Variants in CA13 observed in about 807,000 individuals in gnomAD.
CA13 encodes the protein CA-XIII.
Under a neutral mutation model 31.5 loss-of-function variants are expected in CA13, and 21 were observed. The ratio of observed to expected loss-of-function variants is 0.67; its 90% CI spans 0.47 to 0.96. The LOEUF (loss-of-function observed/expected upper bound fraction) is 0.96. CA13 is among the 40% of genes least tolerant of loss of function. The pLI, the probability that CA13 is intolerant of heterozygous loss-of-function variation, is 0.00. For synonymous variants in CA13, 117 were observed against 111.4 expected (o/e 1.05, Z -0.32); for missense variants, 315 against 318.9 (o/e 0.99, Z 0.09).
intron 1 of CA13, chr8:85,246,162 C>G (rs1355736822): frequency 1.8e-6 from 1 of 541,328 alleles, no homozygotes; most frequent in African/African-American, 1.9e-5. Context: ...AAGCCAAGGA[C>G]TTTGCCTAGT....
At chr8:85,275,973 G>A (rs1397286121) in intron 6 of CA13, among the ~76,000 whole-genome samples, 2 of 152,258 alleles carry the variant, frequency 1.3e-5, no homozygotes, top group African/African-American at 4.8e-5. Context: ...CACTTGAGGA[G>A]CCCTTCAGCC....
Position 85,250,939 on chromosome 8 carries a change from T to C in CA13, c.235+2T>C, listed in dbSNP as rs767376724. On this transcript the variant is annotated splice_donor_variant, in intron 2 of 6. Coordinates refer to ENST00000321764, the MANE Select transcript of CA13 (RefSeq NM_198584.3). LOFTEE classifies it high-confidence loss of function. ...TTGATGACACAGAGAACAAATCAGG[T>C]TGGCTTTTCTTTTTTTGTGTGTGTG... 3.1e-6 allele frequency: 5 copies of C among 1,612,608 alleles called. No individual in the cohort carries two copies. Among genetic ancestry groups the C allele is most frequent in the Middle Eastern group, 1.6e-4 (1 of 6,082 alleles).
chr8:85,259,629 T>A (rs959236691), intron 3 of CA13, 90 bp downstream of exon 3: 12 of 995,946 alleles, frequency 1.2e-5, no homozygotes, highest in South Asian at 2.8e-5. Flanking sequence ...TCCAAATAGA[T>A]CCTGAGCCAA....
intron 2 of CA13, among the ~76,000 whole-genome samples, chr8:85,253,479 G>A (rs1807231316): frequency 6.6e-6 from 1 of 151,818 alleles, no homozygotes; most frequent in Non-Finnish European, 1.5e-5. Flanking sequence ...TGCCCAGGCT[G>A]ATCTTGAACT....
intron 4 of CA13, among the ~76,000 whole-genome samples, chr8:85,267,620 T>G (rs542576956): frequency 6.6e-6 from 1 of 152,308 alleles, no homozygotes; most frequent in Non-Finnish European, 1.5e-5. Context: ...ACCTACATCT[T>G]AAACACTGAT....
chr8:85,250,912 CT>C lies in CA13; in HGVS notation c.213del (p.Phe71LeufsTer39), dbSNP rs768148470. 22 of 1,613,354 alleles carry C rather than the reference CT, an allele frequency of 1.4e-5. No individual in the cohort carries two copies. In the African/African-American group the frequency reaches 2.9e-4, roughly 22 times the overall value. ...ACAGCGGCCATTCCTTCAATGTTGA[CT>C]TTGATGACACAGAGAACAAATCAGG... is the stretch of plus-strand genomic sequence containing the variant. ...SNSGHSFNVD[F>X]DDTENKSVLR... On this transcript the variant is annotated frameshift_variant, in exon 2 of 7. Transcript: ENST00000321764. LOFTEE classifies it high-confidence loss of function.
intron 1 of CA13, among the ~76,000 whole-genome samples, chr8:85,247,655 C>A (rs1341854495): frequency 6.6e-6 from 1 of 152,098 alleles, no homozygotes; most frequent in Non-Finnish European, 1.5e-5. Context: ...CTGCCATCTC[C>A]CTCTCCTGGG....
At position 85,266,657 on chromosome 8, in the gene CA13, C is replaced by A. The variant is rs762193983; in HGVS notation, c.404C>A (p.Ala135Glu). The stretch of plus-strand genomic sequence containing the variant: ...GACAAATACCCCAGCTTTGTTGAGG[C>A]AGCTCATGAACCAGATGGACTGGCT... ...NSDKYPSFVE[A>E]AHEPDGLAVL... The change falls in exon 4 of 7, where the codon GCA (alanine) becomes GAA (glutamate). Residue 135 changes from alanine to glutamate, a missense_variant. Physicochemically the swap from Ala to Glu is moderately radical, Grantham distance 107. Transcript: ENST00000321764. The A allele has an allele frequency of 5.0e-6, 8 of 1,613,962 alleles. No homozygotes were observed. The South Asian group carries it at 7.7e-5, about 16-fold the overall frequency.
intron 2 of CA13, among the ~76,000 whole-genome samples, chr8:85,256,062 A>G (rs1807290120): frequency 6.6e-6 from 1 of 152,204 alleles, no homozygotes; most frequent in African/African-American, 2.4e-5. Context: ...TGTATGACGG[A>G]AAGACATGGA....
chr8:85,255,540 C>T (rs933283739), intron 2 of CA13, among the ~76,000 whole-genome samples: 12 of 151,846 alleles, frequency 7.9e-5, no homozygotes, highest in African/African-American at 2.7e-4. Context: ...AAGCTGGTCT[C>T]GAACTCCTGG....
intron 2 of CA13, among the ~76,000 whole-genome samples, chr8:85,258,956 G>A (rs1226933872): frequency 6.6e-6 from 1 of 151,588 alleles, no homozygotes; most frequent in Non-Finnish European, 1.5e-5. Flanking sequence ...GTTAGAGTTT[G>A]TTCAAGATCA....
chr8:85,260,728 G>A (rs1807364407), intron 3 of CA13, among the ~76,000 whole-genome samples: 1 of 152,218 alleles, frequency 6.6e-6, no homozygotes. Flanking sequence ...TGCTGAATTT[G>A]TATGGTGTCT....
chr8:85,250,687 T>G, intron 1 of CA13, 53 bp from the exon 2 acceptor site: 1 of 1,160,040 alleles, frequency 8.6e-7, no homozygotes, highest in Non-Finnish European at 1.3e-6. Flanking sequence ...AATGTATGTT[T>G]GTTGAAAGAA....
intron 1 of CA13, 147 bp from the exon 2 acceptor site, chr8:85,250,593 T>G: frequency 1.8e-6 from 1 of 566,166 alleles, no homozygotes; most frequent in Non-Finnish European, 3.1e-6. Flanking sequence ...AAAAAAACAA[T>G]TAGATGCCAA....
At chr8:85,274,990 G>A (rs1807582251) in intron 6 of CA13, among the ~76,000 whole-genome samples, 1 of 152,180 alleles carries the variant, frequency 6.6e-6, no homozygotes, top group South Asian at 2.1e-4. Flanking sequence ...CCTTGCCAGG[G>A]ATAAGGTAGC....
At chr8:85,260,105 T>C (rs1807355877) in intron 3 of CA13, among the ~76,000 whole-genome samples, 1 of 152,208 alleles carries the variant, frequency 6.6e-6, no homozygotes, top group Admixed American at 6.5e-5. Context: ...AAATCTGTTA[T>C]TCAGTTTATT....
rs1271622822 is a variant in CA13, at chr8:85,283,725, CAG to C, written c.*2377_*2378del. 1 of 152,558 alleles carries C rather than the reference CAG, an allele frequency of 6.6e-6. No individual in the cohort carries two copies. The highest frequency in any genetic ancestry group is 2.4e-5 in the African/African-American group (1 of 41,450). 9.5% of individuals were successfully genotyped at this position (152,558 alleles called of 1,614,324 possible). A position where few individuals can be genotyped will look rare whatever the true frequency, so the allele number is the denominator to read the frequency against. The stretch of plus-strand genomic sequence containing the variant: ...GCTATATGTGGAGGGGCATGTAGGA[CAG>C]GGGTTCTAATTACTGTCTGTGAGAG... On this transcript the variant is annotated 3_prime_UTR_variant, in exon 7 of 7. Transcript: ENST00000321764.
rs770994884 is a variant in CA13, at chr8:85,259,565, TC to T, written c.354+27del. 53 of 1,574,502 alleles carry T rather than the reference TC, an allele frequency of 3.4e-5. No individual in the cohort carries two copies. In the African/African-American group the frequency reaches 7.0e-4, roughly 21 times the overall value. ...GTAAGCCATAAGACATATCTGTGAT[TC>T]ACAGTTTTCCCACATGGTGGAATTT... is the stretch of plus-strand genomic sequence containing the variant. On this transcript the variant is annotated intron_variant, in intron 3 of 6. Transcript: ENST00000321764.
intron 2 of CA13, among the ~76,000 whole-genome samples, chr8:85,253,817 G>T (rs1359026376): frequency 6.6e-6 from 1 of 152,076 alleles, no homozygotes; most frequent in African/African-American, 2.4e-5. Context: ...GGGCAGCTGG[G>T]CAACATAGGG....
Sources: gnomAD v4.1 joint callset for allele counts (sites outside exome capture counted in the v4.1 genomes callset) on GRCh38, gnomAD v4.1.1 for gene constraint, MANE v1.5 for transcripts, NCBI Gene and HGNC (gene_info 2026-07-23, HGNC 2026-07-21) for gene names.